Variants in GRID2 observed in about 807,000 individuals in gnomAD.
The protein encoded by GRID2 is glutamate ionotropic receptor delta type subunit 2, also known as glutamate receptor ionotropic, delta-2.
In GRID2, 33 loss-of-function variants were observed where a neutral mutation model predicts 114.8. The ratio of observed to expected loss-of-function variants is 0.29; its 90% confidence interval spans 0.22 to 0.38. GRID2 has a LOEUF of 0.38. Ranked by LOEUF, GRID2 falls within the 10% of genes least tolerant of loss-of-function variation. The pLI is 1.00. For synonymous variants in GRID2, 505 were observed against 449.9 expected (o/e 1.12, Z -1.55); for missense variants, 1,184 against 1,257.7 (o/e 0.94, Z 0.89).
intron 2 of GRID2, among the ~76,000 whole-genome samples, chr4:92,888,636 G>T (rs1028947695): frequency 4.6e-5 from 7 of 151,924 alleles, no homozygotes; most frequent in Admixed American, 3.3e-4. Context: ...TGCACAGCAG[G>T]TATGTAGAAA....
At chr4:93,375,764 G>A (rs1049456989) in intron 8 of GRID2, among the ~76,000 whole-genome samples, 13 of 152,088 alleles carry the variant, frequency 8.5e-5, no homozygotes, top group African/African-American at 3.1e-4. Context: ...TGAAGAAAAG[G>A]TTTTTCTTTA....
chr4:93,555,132 G>A (rs373395102), intron 13 of GRID2, among the ~76,000 whole-genome samples: 59 of 152,206 alleles, frequency 3.9e-4, no homozygotes, highest in Non-Finnish European at 6.9e-4. Flanking sequence ...AGATTCCCTC[G>A]GGTGCCTACA....
intron 4 of GRID2, among the ~76,000 whole-genome samples, chr4:93,133,990 G>A (rs542582470): frequency 2.6e-5 from 4 of 152,244 alleles, no homozygotes; most frequent in Non-Finnish European, 5.9e-5. Flanking sequence ...CTCACTTTTA[G>A]GGTGAATAAA....
chr4:93,716,629 A>G (rs537447909), intron 14 of GRID2, among the ~76,000 whole-genome samples: 1 of 151,844 alleles, frequency 6.6e-6, no homozygotes, highest in Non-Finnish European at 1.5e-5. Flanking sequence ...TATATTTAAT[A>G]TGTATGTAAA....
intron 2 of GRID2, among the ~76,000 whole-genome samples, chr4:92,985,148 A>G (rs1355082877): frequency 6.6e-6 from 1 of 152,102 alleles, no homozygotes; most frequent in Non-Finnish European, 1.5e-5. Context: ...CTCATCTGCA[A>G]CAATTATTAC....
At chr4:92,365,253 G>A (rs1728798731) in intron 1 of GRID2, among the ~76,000 whole-genome samples, 1 of 152,048 alleles carries the variant, frequency 6.6e-6, no homozygotes, top group Admixed American at 6.6e-5. Context: ...CAGGTGAAAG[G>A]ATAAAGAAAA....
rs1050705924 is a variant in GRID2, at chr4:93,629,719, A to C, written c.2360+3284A>C. On this transcript the variant is annotated intron_variant, in intron 14 of 15. Coordinates refer to ENST00000282020, the MANE Select transcript of GRID2 (RefSeq NM_001510.4). ...ATTCAATATTACTTTTCAGGTGACT[A>C]TATTTCTATAACACAACTTCTAAAA... 2.0e-5 allele frequency among the ~76,000 whole-genome samples: 3 copies of C among 152,288 alleles called. No individual in the cohort carries two copies. In the East Asian group the frequency reaches 5.8e-4, roughly 29 times the overall value.
chr4:92,994,673 T>C (rs1755094710), intron 2 of GRID2, among the ~76,000 whole-genome samples: 1 of 152,150 alleles, frequency 6.6e-6, no homozygotes, highest in Non-Finnish European at 1.5e-5. Context: ...GGCTCTCAAT[T>C]GATGTTCAAC....
At chr4:93,400,597 A>G (rs1257824771) in intron 9 of GRID2, among the ~76,000 whole-genome samples, 2 of 152,116 alleles carry the variant, frequency 1.3e-5, no homozygotes, top group Non-Finnish European at 2.9e-5. Context: ...CATAATATAT[A>G]TGATAATAAA....
At chr4:92,552,844 G>A in intron 1 of GRID2, among the ~76,000 whole-genome samples, 1 of 152,212 alleles carries the variant, frequency 6.6e-6, no homozygotes, top group East Asian at 1.9e-4. Flanking sequence ...CTTCCCTTTG[G>A]AATTATATAG....
chr4:93,624,094 G>A (rs1228467702), intron 13 of GRID2, among the ~76,000 whole-genome samples: 2 of 152,106 alleles, frequency 1.3e-5, no homozygotes, highest in South Asian at 4.1e-4. Context: ...TTCTCTCTAT[G>A]TATTTATATT....
chr4:93,654,796 G>C (rs1383189639), intron 14 of GRID2, among the ~76,000 whole-genome samples: 1 of 152,122 alleles, frequency 6.6e-6, no homozygotes, highest in Non-Finnish European at 1.5e-5. Context: ...CCCAGTGTCA[G>C]TGAGTAAGTG....
At chr4:92,722,602 G>C (rs895991615) in intron 2 of GRID2, among the ~76,000 whole-genome samples, 1 of 151,992 alleles carries the variant, frequency 6.6e-6, no homozygotes, top group African/African-American at 2.4e-5. Flanking sequence ...AATAAGGAAA[G>C]TTTCAATTTA....
In GRID2 at chr4:92,416,967, C is replaced by T. The variant is rs570421173; in HGVS notation, c.88+112223C>T. Among the ~76,000 whole-genome samples the T allele has an allele frequency of 8.3e-4, 126 of 152,044 alleles. 1 individual carries two copies. Among genetic ancestry groups the T allele is most frequent in the Non-Finnish European group, 1.4e-3 (97 of 67,950 alleles). ...TATTATTGTATTTTAATGGGAATTA[C>T]ATTGAATTTGTAGTTTCCTTTTGGC... On this transcript the variant is annotated intron_variant, in intron 1 of 15. Coordinates refer to ENST00000282020, the MANE Select transcript of GRID2 (RefSeq NM_001510.4).
intron 13 of GRID2, among the ~76,000 whole-genome samples, chr4:93,533,810 G>C (rs1731749208): frequency 6.6e-6 from 1 of 151,936 alleles, no homozygotes; most frequent in Non-Finnish European, 1.5e-5. Flanking sequence ...AAGTCTTCCT[G>C]ATTTTACTCT....
chr4:93,473,784 A>G (rs575450889), intron 11 of GRID2, among the ~76,000 whole-genome samples: 5 of 152,244 alleles, frequency 3.3e-5, no homozygotes, highest in East Asian at 1.9e-4. Context: ...CGAGATGTCT[A>G]TTTTTTGAAT....
In GRID2 at chr4:93,393,399, G is replaced by A. The variant is rs1233066439; in HGVS notation, c.1246-2208G>A. Reference sequence around the variant, plus strand: ...GGTGAAAAGTCTTTGTCAAGCAGAGGAGAGAAATTATTGTCTTGTAATATA... The same window carrying A: ...GGTGAAAAGTCTTTGTCAAGCAGAGAAGAGAAATTATTGTCTTGTAATATA... On this transcript the variant is annotated intron_variant, in intron 8 of 15. Transcript: ENST00000282020. Among the ~76,000 whole-genome samples the A allele has an allele frequency of 5.3e-5, 8 of 151,932 alleles. No individual in the cohort carries two copies. The East Asian group carries it at 1.2e-3, about 22-fold the overall frequency.
Position 92,714,894 on chromosome 4 carries a change from TGACATGCCCTG to T in GRID2, c.244+124611_244+124621del, listed in dbSNP as rs1367868148. On this transcript the variant is annotated intron_variant, in intron 2 of 15. Coordinates refer to ENST00000282020, the MANE Select transcript of GRID2 (RefSeq NM_001510.4). ...TGGGAGGAGCTGCTGCAAAGGTCTC[TGACATGCCCTG>T]GAGGCATTTTCCCCATTGTCTTGGC... Among the ~76,000 whole-genome samples, 2 of 152,192 alleles carry T rather than the reference TGACATGCCCTG, an allele frequency of 1.3e-5. 1 individual carries two copies. Among genetic ancestry groups the T allele is most frequent in the Non-Finnish European group, 2.9e-5 (2 of 68,034 alleles).
intron 2 of GRID2, among the ~76,000 whole-genome samples, chr4:92,769,852 G>T (rs563527202): frequency 2.6e-5 from 4 of 152,268 alleles, no homozygotes; most frequent in Admixed American, 2.0e-4. Flanking sequence ...TAGGCCTTCA[G>T]GCCTGTGATG....
Sources: gnomAD v4.1 joint callset for allele counts (sites outside exome capture counted in the v4.1 genomes callset) on GRCh38, gnomAD v4.1.1 for gene constraint, MANE v1.5 for transcripts, NCBI Gene and HGNC (gene_info 2026-07-23, HGNC 2026-07-21) for gene names.